The following ACTR10 variants were observed in gnomAD, a reference collection of about 807,000 sequenced individuals.
ACTR10 encodes the protein actin-related protein 10.
ACTR10 carries 43 observed loss-of-function variants against 56.2 expected under a neutral mutation model. That is an observed-to-expected ratio of 0.77 (90% CI 0.60 to 0.99). The LOEUF (loss-of-function observed/expected upper bound fraction) is 0.99, where lower values mean the gene tolerates loss of function less well. Ranked by LOEUF, ACTR10 falls within the 50% of genes least tolerant of loss-of-function variation. The pLI, the probability that ACTR10 is intolerant of heterozygous loss-of-function variation, is 0.00. For synonymous variants in ACTR10, 170 were observed against 176.3 expected, an observed-to-expected ratio of 0.96 and a Z score of 0.28; for missense variants, 466 against 507.8, an observed-to-expected ratio of 0.92 and a Z score of 0.79.
chr14:58,228,859 CAAT>C (rs1371004441), intron 10 of ACTR10, among the ~76,000 whole-genome samples: 9 of 151,748 alleles, frequency 5.9e-5, no homozygotes. Flanking sequence ...CTGGTAAATA[CAAT>C]GTTTTAACTA....
At chr14:58,203,226 C>T (rs1434676831) in intron 2 of ACTR10, among the ~76,000 whole-genome samples, 1 of 142,008 alleles carries the variant, frequency 7.0e-6, no homozygotes, top group Non-Finnish European at 1.5e-5. Context: ...TGCTTGAACC[C>T]GGGAGGCGGA....
rs547380985 is a variant in ACTR10 at position 58,207,664 on chromosome 14, C to T, written c.151-272C>T. ...TATCATTCAAGCCAAAATGATAAGTCAGATGGAGGAAAAATGCATGTGAGC... is the reference window on the plus strand; with the variant it reads ...TATCATTCAAGCCAAAATGATAAGTTAGATGGAGGAAAAATGCATGTGAGC... On this transcript the variant is annotated intron_variant, in intron 2 of 12. Transcript: ENST00000254286. Among the ~76,000 whole-genome samples the T allele has an allele frequency of 2.7e-4, 41 of 152,204 alleles. No homozygotes were observed. The South Asian group carries it at 3.7e-3, about 14-fold the overall frequency.
intron 7 of ACTR10, among the ~76,000 whole-genome samples, chr14:58,218,143 GT>G (rs1027431196): frequency 5.9e-5 from 9 of 152,238 alleles, no homozygotes; most frequent in Non-Finnish European, 1.2e-4. Context: ...TATTACCAAA[GT>G]TCTTTGACAT....
At position 58,226,454 on chromosome 14, in the gene ACTR10, C is replaced by G. The variant is rs1214492121; in HGVS notation, c.788+2598C>G. ...AAAAAAAAAAAAAAAAAAGGAAATT[C>G]AATGAACATGGAATTGTTGGTTCCA... On this transcript the variant is annotated intron_variant, in intron 10 of 12. Transcript: ENST00000254286. Among the ~76,000 whole-genome samples, 11 of 147,776 alleles carry G rather than the reference C, an allele frequency of 7.4e-5. No individual in the cohort carries two copies. The East Asian group carries it at 2.2e-3, about 29-fold the overall frequency.
At chr14:58,226,659 G>T (rs1410210606) in intron 10 of ACTR10, among the ~76,000 whole-genome samples, 1 of 152,060 alleles carries the variant, frequency 6.6e-6, no homozygotes, top group Non-Finnish European at 1.5e-5. Flanking sequence ...GGAGTGCAAT[G>T]ATGTGGTCTC....
At chr14:58,231,583 G>T (rs529831664) in intron 11 of ACTR10, among the ~76,000 whole-genome samples, 4 of 152,104 alleles carry the variant, frequency 2.6e-5, no homozygotes, top group Non-Finnish European at 5.9e-5. Context: ...CCTTATCATC[G>T]CTAACTCTTA....
At chr14:58,219,215 A>G (rs1566627182) in intron 7 of ACTR10, among the ~76,000 whole-genome samples, 1 of 152,238 alleles carries the variant, frequency 6.6e-6, no homozygotes, top group Non-Finnish European at 1.5e-5. Flanking sequence ...CAATGGTAAT[A>G]TATCCAAACC....
intron 12 of ACTR10, 132 bp downstream of exon 12, chr14:58,232,399 TTTTTC>T: frequency 2.0e-5 from 8 of 405,164 alleles, no homozygotes; most frequent in Non-Finnish European, 2.9e-5. Context: ...TAACACTGAC[TTTTTC>T]TTTTTTTTTT....
chr14:58,226,097 C>CA (rs1189906008), intron 10 of ACTR10, among the ~76,000 whole-genome samples: 3 of 151,218 alleles, frequency 2.0e-5, no homozygotes, highest in Middle Eastern at 3.4e-3. Context: ...CCTGCCTCTA[C>CA]AAAAAAAAAT....
Position 58,207,949 on chromosome 14 carries a change from T to G in ACTR10, c.164T>G (p.Val55Gly). Residue 55 changes from valine (V) to glycine (G), a missense_variant, in exon 3 of 13, where the codon GTT becomes GGT. By Grantham distance (109) the Val-to-Gly change is moderately radical. Transcript: ENST00000254286. ...AATTTTTTACAGCCTGTCAGAGTTG[T>G]TCAGTATAATATCAATACAGAAGAA... ...RAGMPKPVRV[V>G]QYNINTEELY... The G allele has an allele frequency of 6.7e-7, 1 of 1,482,796 alleles. No individual in the cohort carries two copies. The highest frequency in any genetic ancestry group is 1.4e-5 in the South Asian group (1 of 70,364). The allele number at this position is 1,482,796 out of a possible 1,614,324, so 91.9% of individuals were successfully genotyped here.
chr14:58,229,677 C>CA (rs34465995), intron 10 of ACTR10, among the ~76,000 whole-genome samples: 42,108 of 106,722 alleles, frequency 0.39, 7,934 homozygotes, highest in African/African-American at 0.57. Flanking sequence ...GACTCTGTAT[C>CA]AAAAAAAAAA....
At chr14:58,214,264 A>T (rs999508721) in intron 6 of ACTR10, among the ~76,000 whole-genome samples, 1 of 152,168 alleles carries the variant, frequency 6.6e-6, no homozygotes, top group African/African-American at 2.4e-5. Flanking sequence ...GAGCACATAT[A>T]ATATTGGTCT....
chr14:58,216,044 C>T (rs1157573524), intron 7 of ACTR10, among the ~76,000 whole-genome samples: 2 of 151,160 alleles, frequency 1.3e-5, no homozygotes, highest in African/African-American at 4.9e-5. Flanking sequence ...TAATCTAGGC[C>T]CTCATTTCTT....
intron 7 of ACTR10, among the ~76,000 whole-genome samples, chr14:58,217,178 T>C (rs867892811): frequency 9.2e-5 from 14 of 152,280 alleles, no homozygotes; most frequent in Middle Eastern, 3.4e-3. Flanking sequence ...TTTGTAAAGG[T>C]CTTTAAACCC....
rs1050511646 is a variant in ACTR10, at chr14:58,208,129, A to G, written c.233+111A>G. ...CCAAAAAAAAAAAAAATGGACTTCTATTGCCATTTTTACATGCTTATTTTC... is the reference window on the plus strand; with the variant it reads ...CCAAAAAAAAAAAAAATGGACTTCTGTTGCCATTTTTACATGCTTATTTTC... On this transcript the variant is annotated intron_variant, in intron 3 of 12. Coordinates refer to ENST00000254286, the MANE Select transcript of ACTR10 (RefSeq NM_018477.3). 1.9e-5 allele frequency: 19 copies of G among 976,826 alleles called. No homozygotes were observed. The African/African-American group carries it at 2.1e-4, about 11-fold the overall frequency. The allele number at this position is 976,826 out of a possible 1,614,324, so 60.5% of individuals were successfully genotyped here.
intron 11 of ACTR10, among the ~76,000 whole-genome samples, chr14:58,231,381 T>A (rs1363113473): frequency 1.3e-5 from 2 of 152,182 alleles, no homozygotes; most frequent in African/African-American, 4.8e-5. Context: ...GGGACCAGAT[T>A]TTTATTTTGT....
rs1351947231 is a variant in ACTR10 at position 58,200,167 on chromosome 14, CTTG to C, written c.-47_-45del. ...CGGCCCCGCCCCGCGAGCGCCGAGA[CTTG>C]TTGGCCGCGGAGACTGCGACCCTCT... On this transcript the variant is annotated 5_prime_UTR_variant, in exon 1 of 13. Coordinates refer to ENST00000254286, the MANE Select transcript of ACTR10 (RefSeq NM_018477.3). 21 of 1,403,582 alleles carry C rather than the reference CTTG, an allele frequency of 1.5e-5. No homozygotes were observed. Among genetic ancestry groups the C allele is most frequent in the Admixed American group, 2.3e-5 (1 of 43,328 alleles). 86.9% of individuals were successfully genotyped at this position (1,403,582 alleles called of 1,614,324 possible).
At chr14:58,206,639 C>T (rs1888870451) in intron 2 of ACTR10, among the ~76,000 whole-genome samples, 1 of 152,168 alleles carries the variant, frequency 6.6e-6, no homozygotes, top group Non-Finnish European at 1.5e-5. Flanking sequence ...GCCAATGATG[C>T]ATCAGAGTAC....
intron 2 of ACTR10, among the ~76,000 whole-genome samples, chr14:58,205,091 A>G (rs1888822905): frequency 6.6e-6 from 1 of 151,742 alleles, no homozygotes. Context: ...ATGGTGGCAC[A>G]TGCCTGTTAA....
Sources: gnomAD v4.1 joint callset for allele counts (sites outside exome capture counted in the v4.1 genomes callset) on GRCh38, gnomAD v4.1.1 for gene constraint, MANE v1.5 for transcripts, NCBI Gene and HGNC (gene_info 2026-07-23, HGNC 2026-07-21) for gene names.